The following PCDHA7 variants were observed in gnomAD, a reference collection of about 807,000 sequenced individuals.
PCDHA7 encodes protocadherin alpha-7.
PCDHA7 carries 37 observed loss-of-function variants against 57.2 expected under a neutral mutation model. The ratio of observed to expected loss-of-function variants is 0.65; its 90% confidence interval spans 0.50 to 0.85. The LOEUF (loss-of-function observed/expected upper bound fraction) is 0.85. PCDHA7 is among the 40% of genes least tolerant of loss of function. The pLI, the probability that PCDHA7 is intolerant of heterozygous loss-of-function variation, is 0.00. For synonymous variants in PCDHA7, 553 were observed against 558.8 expected (o/e 0.99, Z 0.15); for missense variants, 1,188 against 1,241.8 (o/e 0.96, Z 0.65).
chr5:140,877,807 T>C, intron 1 of PCDHA7: 1 of 1,611,556 alleles, frequency 6.2e-7, no homozygotes, highest in Non-Finnish European at 8.5e-7. Context: ...CCTTCAGCTG[T>C]CTCGAGAAGA....
chr5:140,843,456 T>G (rs2150360448), intron 1 of PCDHA7: 3 of 1,595,898 alleles, frequency 1.9e-6, no homozygotes, highest in Admixed American at 3.4e-5. Flanking sequence ...AGCCTGCTGG[T>G]GCTCACGCTG....
At chr5:140,842,698 G>A (rs782455331) in intron 1 of PCDHA7, 1 of 1,595,366 alleles carries the variant, frequency 6.3e-7, no homozygotes, top group South Asian at 1.1e-5. Flanking sequence ...CGCAGCCCGA[G>A]TACACGGTGT....
chr5:140,959,061 A>G (rs1434123552), intron 1 of PCDHA7, among the ~76,000 whole-genome samples: 2 of 152,126 alleles, frequency 1.3e-5, no homozygotes, highest in Non-Finnish European at 2.9e-5. Flanking sequence ...AATGCAGTAT[A>G]TATAGAATTC....
chr5:140,901,557 A>G (rs782333756), intron 1 of PCDHA7, among the ~76,000 whole-genome samples: 4 of 152,034 alleles, frequency 2.6e-5, no homozygotes, highest in Non-Finnish European at 5.9e-5. Context: ...CCATTCATCT[A>G]TGTGTCTGTT....
At chr5:140,941,150 G>T (rs894422349) in intron 1 of PCDHA7, among the ~76,000 whole-genome samples, 1 of 151,436 alleles carries the variant, frequency 6.6e-6, no homozygotes, top group Non-Finnish European at 1.5e-5. Context: ...TAGTTTGGAG[G>T]CCCCATAAGA....
intron 1 of PCDHA7, chr5:140,865,401 G>A (rs1011488006): frequency 6.6e-6 from 1 of 152,158 alleles, no homozygotes; most frequent in Non-Finnish European, 1.5e-5. Flanking sequence ...TATAAATGCT[G>A]AAAAGGAATT....
At chr5:140,987,022 T>C (rs1218338191) in intron 3 of PCDHA7, among the ~76,000 whole-genome samples, 1 of 152,068 alleles carries the variant, frequency 6.6e-6, no homozygotes, top group African/African-American at 2.4e-5. Flanking sequence ...GAGACCAGCC[T>C]GGTCAACATG....
intron 1 of PCDHA7, among the ~76,000 whole-genome samples, chr5:140,919,657 A>G (rs1341455821): frequency 3.9e-5 from 6 of 152,258 alleles, no homozygotes; most frequent in Non-Finnish European, 8.8e-5. Flanking sequence ...AGTTTACCAT[A>G]TATATTTTAG....
intron 3 of PCDHA7, among the ~76,000 whole-genome samples, chr5:141,000,500 T>A (rs1440390927): frequency 5.7e-5 from 8 of 140,516 alleles, no homozygotes; most frequent in Non-Finnish European, 1.2e-4. Context: ...AGATCTCGGC[T>A]CACTGCAACC....
At chr5:140,842,868 A>T in intron 1 of PCDHA7, 1 of 1,593,968 alleles carries the variant, frequency 6.3e-7, no homozygotes, top group Non-Finnish European at 8.6e-7. Flanking sequence ...GAGAGCGGCA[A>T]GGTGTACGCG....
chr5:140,872,861 C>T (rs1554166414), intron 1 of PCDHA7, among the ~76,000 whole-genome samples: 1 of 152,182 alleles, frequency 6.6e-6, no homozygotes, highest in African/African-American at 2.4e-5. Context: ...TGAGTACCTA[C>T]TGACAATTAT....
intron 1 of PCDHA7, chr5:140,869,076 C>G (rs367613564): frequency 6.3e-7 from 1 of 1,577,934 alleles, no homozygotes; most frequent in South Asian, 1.2e-5. Flanking sequence ...TGTAAAGAAG[C>G]TTATTTTGGA....
At position 140,884,044 on chromosome 5, in the gene PCDHA7, G is replaced by T. The variant is rs374333847; in HGVS notation, c.2355+47306G>T. On this transcript the variant is annotated intron_variant, in intron 1 of 3. Coordinates refer to ENST00000525929, the MANE Select transcript of PCDHA7 (RefSeq NM_018910.3). ...CGGTGGGTGCAGGCCACGTGGTGGC[G>T]AAGGTGCGCGCGGTGGACGCCGATT... 2.5e-6 allele frequency: 4 copies of T among 1,613,476 alleles called. No homozygotes were observed. In the South Asian group the frequency reaches 3.3e-5, roughly 13 times the overall value.
rs1775369945 is a variant in PCDHA7 at position 140,838,007 on chromosome 5, A to G, written c.2355+1269A>G. Among the ~76,000 whole-genome samples, 3 of 151,520 alleles carry G rather than the reference A, an allele frequency of 2.0e-5. No homozygotes were observed. In the South Asian group the frequency reaches 6.3e-4, roughly 32 times the overall value. ...CTTTCATCTTTCCTTTTTTTTAAAA[A>G]AAGAAGTGATTACAGTAGAAACCTA... On this transcript the variant is annotated intron_variant, in intron 1 of 3. Coordinates refer to ENST00000525929, the MANE Select transcript of PCDHA7 (RefSeq NM_018910.3).
At chr5:140,841,515 G>T (rs2150317088) in intron 1 of PCDHA7, 6 of 1,606,628 alleles carry the variant, frequency 3.7e-6, no homozygotes, top group Middle Eastern at 3.5e-4. Context: ...CGCCTGTTCC[G>T]GGTGGCGTCC....
chr5:140,843,415 G>A (rs2150359556), intron 1 of PCDHA7: 2 of 1,596,114 alleles, frequency 1.3e-6, no homozygotes, highest in East Asian at 2.2e-5. Context: ...ATGTCAACGT[G>A]TACCTGATCA....
intron 1 of PCDHA7, among the ~76,000 whole-genome samples, chr5:140,885,309 T>C (rs1456816250): frequency 6.6e-6 from 1 of 152,194 alleles, no homozygotes; most frequent in Non-Finnish European, 1.5e-5. Context: ...GTAGGCTTTT[T>C]GTTATTATTT....
intron 1 of PCDHA7, among the ~76,000 whole-genome samples, chr5:140,888,659 C>A (rs1373585694): frequency 6.6e-6 from 1 of 152,198 alleles, no homozygotes; most frequent in Non-Finnish European, 1.5e-5. Context: ...AGGACACCAC[C>A]TAATGCCCTG....
At chr5:140,969,775 G>A (rs879968185) in intron 1 of PCDHA7, among the ~76,000 whole-genome samples, 9 of 152,174 alleles carry the variant, frequency 5.9e-5, no homozygotes, top group Admixed American at 5.9e-4. Flanking sequence ...GCCTCTAGGG[G>A]CTATCATAGT....
Sources: allele counts gnomAD v4.1 joint callset (sites outside exome capture counted in the v4.1 genomes callset), GRCh38; gene constraint gnomAD v4.1.1; transcripts MANE v1.5; gene names NCBI Gene and HGNC (gene_info 2026-07-23, HGNC 2026-07-21).